The following SF3B2 variants were observed in gnomAD, a reference collection of about 807,000 sequenced individuals.
The protein encoded by SF3B2 is SAP 145.
Under a neutral mutation model 116.3 loss-of-function variants are expected in SF3B2, and 22 were observed. The observed-to-expected ratio is 0.19, with a 90% confidence interval of 0.14 to 0.27. SF3B2 has a LOEUF of 0.27. Ranked by LOEUF, SF3B2 falls within the 10% of genes least tolerant of loss-of-function variation. The probability of loss-of-function intolerance (pLI) is 1.00; values close to 1 mark genes in which losing one functional copy is unlikely to be tolerated. For synonymous variants in SF3B2, 406 were observed against 421.6 expected, an observed-to-expected ratio of 0.96 and a Z score of 0.45; for missense variants, 767 against 1,151.4, an observed-to-expected ratio of 0.67 and a Z score of 4.83.
At chr11:66,057,149 C>G in intron 6 of SF3B2, 117 bp from the exon 7 acceptor site, 1 of 879,676 alleles carries the variant, frequency 1.1e-6, no homozygotes, top group East Asian at 2.4e-5. Flanking sequence ...TTCCAAAAGC[C>G]ACGCCACGTG....
intron 7 of SF3B2, 64 bp downstream of exon 7, chr11:66,057,439 A>AT (rs1242636634): frequency 2.4e-6 from 2 of 817,002 alleles, no homozygotes; most frequent in African/African-American, 3.4e-5. Context: ...CTATTTTTGG[A>AT]TTTTTAGAGA....
chr11:66,067,516 T>C, intron 19 of SF3B2: 1 of 456,640 alleles, frequency 2.2e-6, no homozygotes, highest in Non-Finnish European at 4.4e-6. Flanking sequence ...AAACTGGCTG[T>C]GGATGGCTCT....
At position 66,053,089 on chromosome 11, in the gene SF3B2, T is replaced by C. The variant is rs1232723620; in HGVS notation, c.243T>C (p.Pro81=). ...RGEDGDKAAP[P]PMSAQLPGIP... is the part of the protein sequence containing the mutation. ...AAGATGGGGACAAAGCCGCTCCACC[T>C]CCCATGTCGGCACAGGTAGGGAGAT... The change falls in exon 3 of 22, where the codon CCT becomes CCC. Residue 81 remains proline, a synonymous_variant. Coordinates refer to ENST00000322535, the MANE Select transcript of SF3B2 (RefSeq NM_006842.3). 6.2e-7 allele frequency: 1 copy of C among 1,613,926 alleles called. No individual in the cohort carries two copies. The highest frequency in any genetic ancestry group is 8.5e-7 in the Non-Finnish European group (1 of 1,179,938).
intron 19 of SF3B2, chr11:66,066,309 T>C (rs976256799): frequency 9.9e-5 from 15 of 152,220 alleles, no homozygotes; most frequent in African/African-American, 3.4e-4. Flanking sequence ...AATTTTTTTT[T>C]CTTTTCCTTT....
intron 3 of SF3B2, 35 bp from the exon 4 acceptor site, chr11:66,055,041 T>A (rs1856966312): frequency 2.0e-6 from 3 of 1,495,798 alleles, no homozygotes; most frequent in Non-Finnish European, 2.7e-6. Context: ...AGTAGATAAA[T>A]GCTTCCTAGT....
At position 66,057,865 on chromosome 11, in the gene SF3B2, G is replaced by A. The variant is rs566196497; in HGVS notation, c.778-189G>A. 3.5e-4 allele frequency among the ~76,000 whole-genome samples: 53 copies of A among 151,814 alleles called. 1 individual carries two copies. In the South Asian group the frequency reaches 7.7e-3, roughly 22 times the overall value. On this transcript the variant is annotated intron_variant, in intron 7 of 21. Transcript: ENST00000322535. ...TGCATGCCTGTAATCCCAGCTACTCGGGAGGCTGAGGCAGGAGAATTGCTT... is the reference window on the plus strand; with the variant it reads ...TGCATGCCTGTAATCCCAGCTACTCAGGAGGCTGAGGCAGGAGAATTGCTT...
chr11:66,062,536 A>T (rs1030265814), intron 16 of SF3B2, among the ~76,000 whole-genome samples: 10 of 141,790 alleles, frequency 7.1e-5, no homozygotes, highest in African/African-American at 2.6e-4. Flanking sequence ...AGTCTCTCAG[A>T]AATAATTTTA....
chr11:66,052,877 A>G, intron 2 of SF3B2, 150 bp from the exon 3 acceptor site: 1 of 1,196,954 alleles, frequency 8.4e-7, no homozygotes, highest in South Asian at 1.4e-5. Context: ...CTTAGTTGTA[A>G]TTTCTTGTAT....
chr11:66,056,933 G>A lies in SF3B2; in HGVS notation c.645G>A (p.Val215=), dbSNP rs1857007658. ...CACAAGACATGGGCCAGATTGGTGT[G>A]CGCACTCCTCTGGGTCCTCGAGGTG... ...RPPQDMGQIG[V]RTPLGPRVAA... is the part of the protein sequence containing the mutation. The change falls in exon 6 of 22, where the codon GTG becomes GTA. Residue 215 remains valine (V), a synonymous_variant. Coordinates refer to ENST00000322535, the MANE Select transcript of SF3B2 (RefSeq NM_006842.3). The A allele has an allele frequency of 1.9e-6, 3 of 1,613,914 alleles. No individual in the cohort carries two copies. The highest frequency in any genetic ancestry group is 2.5e-6 in the Non-Finnish European group (3 of 1,179,884).
Position 66,063,530 on chromosome 11 carries a change from C to T in SF3B2, c.2216C>T (p.Thr739Ile). ...EDKPDETGFITPADSGLITPG... is the reference protein window; with the variant it reads ...EDKPDETGFIIPADSGLITPG... ...AAACCAGATGAGACAGGCTTTATTA[C>T]CCCTGCAGACAGGTGGGGGAAGCAG... is the stretch of plus-strand genomic sequence containing the variant. The change falls in exon 18 of 22, where the codon ACC (threonine) becomes ATC (isoleucine). Residue 739 changes from threonine (T) to isoleucine (I), a missense_variant. Transcript: ENST00000322535. The T allele has an allele frequency of 1.2e-6, 2 of 1,613,556 alleles. No homozygotes were observed. The highest frequency in any genetic ancestry group is 1.3e-5 in the African/African-American group (1 of 75,020).
At chr11:66,055,509 G>T (rs1453680652) in intron 4 of SF3B2, 26 bp from the exon 5 acceptor site, 13 of 1,613,796 alleles carry the variant, frequency 8.1e-6, no homozygotes, top group Non-Finnish European at 1.1e-5. Flanking sequence ...TATTGGTGCT[G>T]GTATGAACTT....
intron 14 of SF3B2, 42 bp from the exon 15 acceptor site, chr11:66,061,644 G>C: frequency 6.9e-7 from 1 of 1,448,294 alleles, no homozygotes; most frequent in Non-Finnish European, 9.7e-7. Context: ...CTCCCACTGA[G>C]TGTCTGGGTC....
At position 66,063,839 on chromosome 11, in the gene SF3B2, A is replaced by G. The variant is rs1014703033; in HGVS notation, c.2330+110A>G. The G allele has an allele frequency of 7.2e-6, 6 of 831,394 alleles. No individual in the cohort carries two copies. The East Asian group carries it at 1.3e-4, about 19-fold the overall frequency. 51.5% of individuals were successfully genotyped at this position (831,394 alleles called of 1,614,324 possible). ...CCTTTTTTAAACAATTATTGAACCA[A>G]CTCTCTGCCAGGCACTACTGTAGGC... On this transcript the variant is annotated intron_variant, in intron 19 of 21. Transcript: ENST00000322535.
At chr11:66,068,570 C>T (rs941606231) in intron 21 of SF3B2, 104 bp from the exon 22 acceptor site, 160 of 1,053,738 alleles carry the variant, frequency 1.5e-4, no homozygotes, top group South Asian at 3.1e-4. Flanking sequence ...GATTCAGCGC[C>T]TTTCCCACAG....
chr11:66,063,746 G>A lies in SF3B2; in HGVS notation c.2330+17G>A. The A allele has an allele frequency of 6.4e-7, 1 of 1,568,236 alleles. No individual in the cohort carries two copies. The highest frequency in any genetic ancestry group is 8.6e-7 in the Non-Finnish European group (1 of 1,156,330). The stretch of plus-strand genomic sequence containing the variant: ...GATGGACGGGTAAGGGTACCAGACA[G>A]GGCTGAGAGGGGAGGACCTTCACTT... On this transcript the variant is annotated intron_variant, in intron 19 of 21. Coordinates refer to ENST00000322535, the MANE Select transcript of SF3B2 (RefSeq NM_006842.3).
Position 66,068,204 on chromosome 11 carries a change from G to A in SF3B2, c.2487G>A (p.Ala829=), listed in dbSNP as rs112398687. 1.6e-3 allele frequency: 2,536 copies of A among 1,614,252 alleles called. 17 individuals are homozygous for A. The highest frequency in any genetic ancestry group is 9.7e-3 in the Middle Eastern group (59 of 6,062). The change falls in exon 21 of 22, where the codon GCG becomes GCA. Residue 829 remains alanine (A), a synonymous_variant. Coordinates refer to ENST00000322535, the MANE Select transcript of SF3B2 (RefSeq NM_006842.3). ...PELQGVEVAL[A]PEELELDPMA... Reference sequence around the variant, plus strand: ...TGCAAGGTGTGGAAGTGGCGCTGGCGCCTGAAGAGTTGGAGCTGGATCCTA... The same window carrying A: ...TGCAAGGTGTGGAAGTGGCGCTGGCACCTGAAGAGTTGGAGCTGGATCCTA...
chr11:66,066,261 T>C (rs1857181602), intron 19 of SF3B2: 2 of 152,212 alleles, frequency 1.3e-5, no homozygotes, highest in Admixed American at 1.3e-4. Flanking sequence ...ATTTTCCTCA[T>C]TATGGATTGT....
At chr11:66,055,672 C>T (rs2135039208) in intron 5 of SF3B2, 87 bp downstream of exon 5, 2 of 1,207,334 alleles carry the variant, frequency 1.7e-6, no homozygotes, top group Middle Eastern at 1.9e-4. Flanking sequence ...TTCAAGTTTT[C>T]CCTGGAGGCT....
rs372951764 is a variant in SF3B2 at position 66,068,044 on chromosome 11, C to T, written c.2429C>T (p.Thr810Met). Residue 810 changes from threonine to methionine, a missense_variant and splice_region_variant, in exon 20 of 22, where the codon ACG becomes ATG. Coordinates refer to ENST00000322535, the MANE Select transcript of SF3B2 (RefSeq NM_006842.3). ...MGSTHIYDMSTVMSRKGPAPE... is the reference protein window; with the variant it reads ...MGSTHIYDMSMVMSRKGPAPE... ...TCAACCCACATTTATGACATGTCCA[C>T]GGTGAGTACTTGGAGGATACTGCTT... 6.2e-6 allele frequency: 10 copies of T among 1,613,584 alleles called. No homozygotes were observed. The highest frequency in any genetic ancestry group is 1.3e-5 in the African/African-American group (1 of 74,904).
Sources: gnomAD v4.1 joint callset for allele counts (sites outside exome capture counted in the v4.1 genomes callset) on GRCh38, gnomAD v4.1.1 for gene constraint, MANE v1.5 for transcripts, NCBI Gene and HGNC (gene_info 2026-07-23, HGNC 2026-07-21) for gene names.